The following CACNA1S variants were observed in gnomAD, a reference collection of about 807,000 sequenced individuals.
CACNA1S encodes the protein voltage-dependent L-type calcium channel subunit alpha-1S.
CACNA1S carries 126 observed loss-of-function variants against 207.4 expected under a neutral mutation model. The ratio of observed to expected loss-of-function variants is 0.61; its 90% confidence interval spans 0.53 to 0.70. The LOEUF is 0.70. Ranked by LOEUF, CACNA1S falls within the 30% of genes least tolerant of loss-of-function variation. CACNA1S has a pLI of 0.00. For synonymous variants in CACNA1S, 960 were observed against 932.7 expected (o/e 1.03, Z -0.53); for missense variants, 2,349 against 2,422.8 (o/e 0.97, Z 0.64).
At chr1:201,044,216 C>A (rs1558052569) in intron 39 of CACNA1S, 112 bp downstream of exon 39, 2 of 1,379,522 alleles carry the variant, frequency 1.4e-6, no homozygotes, top group Non-Finnish European at 2.0e-6. Context: ...AGTGGGGTAT[C>A]TTCAGCTCCC....
chr1:201,079,130 A>C (rs1572051847), intron 10 of CACNA1S, among the ~76,000 whole-genome samples: 1 of 150,520 alleles, frequency 6.6e-6, no homozygotes, highest in Non-Finnish European at 1.5e-5. Context: ...AAAAAAAAAA[A>C]AACAAAAAAA....
At chr1:201,064,366 C>T (rs1322532577) in intron 22 of CACNA1S, among the ~76,000 whole-genome samples, 2 of 152,218 alleles carry the variant, frequency 1.3e-5, no homozygotes, top group East Asian at 1.9e-4. Context: ...CCTCCCGTCC[C>T]TCCAGGACAG....
chr1:201,040,641 G>A lies in CACNA1S; in HGVS notation c.5207C>T (p.Ala1736Val), dbSNP rs765797870. The A allele has an allele frequency of 2.5e-6, 4 of 1,613,942 alleles. No homozygotes were observed. Among genetic ancestry groups the A allele is most frequent in the Admixed American group, 3.3e-5 (2 of 60,026 alleles). ...LTQRAMPRGQ[A>V]PPAPCQCPRV... ...TGTTACCTGGCAGGGGGCAGGAGGT[G>A]CCTGGCCTCTGGGCATTGCCCTCTG... The change falls in exon 42 of 44, where the codon GCA becomes GTA. Residue 1736 changes from alanine to valine, a missense_variant. By Grantham distance (64) the Ala-to-Val change is moderately conservative (BLOSUM62 0). Transcript: ENST00000362061.
chr1:201,112,332 G>A lies in CACNA1S; in HGVS notation c.8C>T (p.Pro3Leu). 6.2e-7 allele frequency: 1 copy of A among 1,613,422 alleles called. No individual in the cohort carries two copies. The highest frequency in any genetic ancestry group is 8.5e-7 in the Non-Finnish European group (1 of 1,179,708). The change falls in exon 1 of 44, where the codon CCA becomes CTA. Residue 3 changes from proline (P) to leucine (L), a missense_variant. Coordinates refer to ENST00000362061, the MANE Select transcript of CACNA1S (RefSeq NM_000069.3). ...CAGGCCTTCATCCTGGGGTGAGGAT[G>A]GCTCCATGGCTTCCCTGGGAATCTG... ME[P>L]SSPQDEGLRK... is the part of the protein sequence containing the mutation.
intron 16 of CACNA1S, among the ~76,000 whole-genome samples, 186 bp from the exon 17 acceptor site, chr1:201,070,590 T>G (rs1470674106): frequency 1.3e-5 from 2 of 152,122 alleles, no homozygotes; most frequent in East Asian, 1.9e-4. Context: ...GTGAGCAGAT[T>G]TGAGCGTCAA....
Position 201,091,764 on chromosome 1 carries a change from G to T in CACNA1S, c.570C>A (p.Phe190Leu). Residue 190 changes from phenylalanine to leucine, a missense_variant, in exon 5 of 44, where the codon TTC becomes TTA. Phe to Leu is a conservative substitution (Grantham distance 22). Coordinates refer to ENST00000362061, the MANE Select transcript of CACNA1S (RefSeq NM_000069.3). Reference sequence around the variant, plus strand: ...TGTGAAAGAGGGGGAGCATGGCCTTGAAGATGGAGTTCAGGACCACCTGCA... The same window carrying T: ...TGTGAAAGAGGGGGAGCATGGCCTTTAAGATGGAGTTCAGGACCACCTGCA... The part of the protein sequence containing the change: ...PSLQVVLNSI[F>L]KAMLPLFHIA... 6.2e-7 allele frequency: 1 copy of T among 1,614,112 alleles called. No individual in the cohort carries two copies. The highest frequency in any genetic ancestry group is 1.3e-5 in the African/African-American group (1 of 75,058).
rs753770896 is a variant in CACNA1S, at chr1:201,061,410, GGTT to G, written c.3109_3111del (p.Asn1037del). On this transcript the variant is annotated inframe_deletion, in exon 25 of 44. Transcript: ENST00000362061. ...ATGAAGAAGATGGCCATCTCCACAC[GGTT>G]GTTGTAGATGGGACCCACGTCCTCC... 4 of 1,614,148 alleles carry G rather than the reference GGTT, an allele frequency of 2.5e-6. No individual in the cohort carries two copies. The highest frequency in any genetic ancestry group is 3.4e-6 in the Non-Finnish European group (4 of 1,179,976).
chr1:201,070,353 G>C lies in CACNA1S; in HGVS notation c.2279C>G (p.Pro760Arg). The C allele has an allele frequency of 1.9e-6, 3 of 1,614,094 alleles. No individual in the cohort carries two copies. The highest frequency in any genetic ancestry group is 2.5e-6 in the Non-Finnish European group (3 of 1,180,014). Residue 760 changes from proline to arginine, a missense_variant, in exon 17 of 44, where the codon CCC (proline) becomes CGC (arginine). Pro to Arg is a moderately radical substitution (Grantham distance 103). Transcript: ENST00000362061. Reference protein sequence around the residue: ...PEIPLSPRPRPLAELQLKEKA... With the variant: ...PEIPLSPRPRRLAELQLKEKA... ...CTCTTTCAGCTGCAGCTCAGCCAGGGGACGTGGTCGGGGGCTCAGCGGGAT... is the reference window on the plus strand; with the variant it reads ...CTCTTTCAGCTGCAGCTCAGCCAGGCGACGTGGTCGGGGGCTCAGCGGGAT...
intron 17 of CACNA1S, 64 bp downstream of exon 17, chr1:201,070,208 T>C: frequency 3.8e-6 from 6 of 1,589,690 alleles, no homozygotes; most frequent in Non-Finnish European, 5.2e-6. Flanking sequence ...CAGGGTTTTT[T>C]CTAGGGCAGG....
Position 201,076,920 on chromosome 1 carries a change from C to T in CACNA1S, c.1827G>A (p.Gln609=). Residue 609 remains glutamine (Q), a splice_region_variant and synonymous_variant, in exon 12 of 44, where the codon CAG becomes CAA. Coordinates refer to ENST00000362061, the MANE Select transcript of CACNA1S (RefSeq NM_000069.3). The part of the protein sequence containing the change: ...NFPQALISVF[Q]VLTGEDWTSM... ...AGGGACACGCAGAGGGAGAGCCTAC[C>T]TGGAAGACGCTGATGAGGGCTTGGG... 2 of 1,614,074 alleles carry T rather than the reference C, an allele frequency of 1.2e-6. No homozygotes were observed. The highest frequency in any genetic ancestry group is 1.7e-6 in the Non-Finnish European group (2 of 1,179,920).
intron 7 of CACNA1S, among the ~76,000 whole-genome samples, chr1:201,085,930 G>A (rs746065519): frequency 1.7e-4 from 26 of 152,174 alleles, no homozygotes; most frequent in Non-Finnish European, 3.1e-4. Context: ...CAGCCACGGA[G>A]CCTCAAATTG....
intron 2 of CACNA1S, among the ~76,000 whole-genome samples, chr1:201,103,246 A>G (rs1415205226): frequency 9.7e-6 from 1 of 103,574 alleles, no homozygotes; most frequent in African/African-American, 3.1e-5. Context: ...CTTGGTCTCA[A>G]AAAAAAAAAA....
intron 32 of CACNA1S, 25 bp from the exon 33 acceptor site, chr1:201,051,168 C>G (rs1408300284): frequency 6.2e-7 from 1 of 1,613,950 alleles, no homozygotes; most frequent in East Asian, 2.2e-5. Flanking sequence ...AGGCTCCTGT[C>G]ACCTATCTGC....
At chr1:201,073,013 C>T (rs1278457587) in intron 15 of CACNA1S, among the ~76,000 whole-genome samples, 189 bp from the exon 16 acceptor site, 1 of 152,218 alleles carries the variant, frequency 6.6e-6, no homozygotes, top group African/African-American at 2.4e-5. Flanking sequence ...AGACAACTTG[C>T]AAAAGCTCCC....
At chr1:201,079,474 T>G (rs1031636418) in intron 10 of CACNA1S, among the ~76,000 whole-genome samples, 2 of 151,982 alleles carry the variant, frequency 1.3e-5, no homozygotes, top group African/African-American at 4.8e-5. Flanking sequence ...TTCCTCTACT[T>G]CTCTGTATTT....
In CACNA1S at chr1:201,066,577, G is replaced by A. The variant is rs16847627; in HGVS notation, c.2658-261C>T. Among the ~76,000 whole-genome samples, 250 of 152,280 alleles carry A rather than the reference G, an allele frequency of 1.6e-3. 1 individual carries two copies. The highest frequency in any genetic ancestry group is 7.9e-3 in the South Asian group (38 of 4,824). On this transcript the variant is annotated intron_variant, in intron 20 of 43. Transcript: ENST00000362061. This position sits in a 1 kb window ranked among gnomAD's most constrained non-coding sequence, Gnocchi z 4.3. The stretch of plus-strand genomic sequence containing the variant: ...TCCCCTGTGGGTGGCTAGAAGCTCC[G>A]TCCCTCCCGTCAGACGGTGAGCACC...
intron 22 of CACNA1S, among the ~76,000 whole-genome samples, chr1:201,065,262 G>A (rs927361743): frequency 4.6e-5 from 7 of 152,212 alleles, no homozygotes; most frequent in African/African-American, 1.7e-4. Flanking sequence ...TGTGTTGCTT[G>A]TGTATTTAAT....
chr1:201,089,201 C>T (rs1219077198), intron 6 of CACNA1S, 57 bp downstream of exon 6: 1 of 1,564,848 alleles, frequency 6.4e-7, no homozygotes, highest in East Asian at 2.2e-5. Flanking sequence ...CCTCCCCACT[C>T]CCTTGCAAGC....
intron 2 of CACNA1S, among the ~76,000 whole-genome samples, chr1:201,096,540 A>G (rs553900621): frequency 6.6e-6 from 1 of 152,294 alleles, no homozygotes; most frequent in Admixed American, 6.5e-5. Flanking sequence ...CCTTCCTAAA[A>G]CATCCTAATT....
Sources: allele counts gnomAD v4.1 joint callset (sites outside exome capture counted in the v4.1 genomes callset), GRCh38; gene constraint gnomAD v4.1.1; non-coding constraint Gnocchi (gnomAD v3.1); transcripts MANE v1.5; gene names NCBI Gene and HGNC (gene_info 2026-07-23, HGNC 2026-07-21).